ERC2: variants seen among roughly 807,000 people sequenced by gnomAD.
ERC2 encodes ELKS/RAB6-interacting/CAST family member 2, also known as ERC protein 2.
In ERC2, 42 loss-of-function variants were observed where a neutral mutation model predicts 114.8. The ratio of observed to expected loss-of-function variants is 0.37; its 90% CI spans 0.29 to 0.47. The LOEUF (loss-of-function observed/expected upper bound fraction) is 0.47. ERC2 is among the 20% of genes least tolerant of loss of function. The pLI is 0.99. For missense variants in ERC2, 939 were observed against 1,150.7 expected (o/e 0.82, Z 2.66); for synonymous variants, 454 against 425.5 (o/e 1.07, Z -0.82).
At chr3:55,613,982 CAAAAAAAAAAAAAA>C (rs60242810) in intron 17 of ERC2, among the ~76,000 whole-genome samples, 1 of 62,246 alleles carries the variant, frequency 1.6e-5, no homozygotes, top group African/African-American at 6.9e-5. Context: ...GACTTCCTCT[CAAAAAAAAAAAAAA>C]AAAAAAAAAA....
chr3:56,406,618 A>T (rs769464902), intron 2 of ERC2, among the ~76,000 whole-genome samples: 1 of 152,112 alleles, frequency 6.6e-6, no homozygotes, highest in Non-Finnish European at 1.5e-5. Context: ...CTGTATTTTC[A>T]TTTTACACTG....
chr3:56,258,442 G>T (rs2052670959), intron 3 of ERC2, among the ~76,000 whole-genome samples: 1 of 152,152 alleles, frequency 6.6e-6, no homozygotes, highest in South Asian at 2.1e-4. Context: ...CGGATCACGA[G>T]GTCAGGAGAT....
chr3:55,655,324 T>C (rs80013315), intron 17 of ERC2, among the ~76,000 whole-genome samples: 8,018 of 152,240 alleles, frequency 0.053, 329 homozygotes, highest in African/African-American at 0.12. Context: ...AAGAGTCTGC[T>C]TCCAGGAACC....
intron 16 of ERC2, among the ~76,000 whole-genome samples, chr3:55,693,148 C>T (rs2062750013): frequency 6.6e-6 from 1 of 152,190 alleles, no homozygotes; most frequent in African/African-American, 2.4e-5. Context: ...CAGACAGATT[C>T]TGGAAATTAC....
chr3:55,708,526 T>C (rs1371544229), intron 15 of ERC2, among the ~76,000 whole-genome samples: 3 of 152,204 alleles, frequency 2.0e-5, no homozygotes, highest in Non-Finnish European at 4.4e-5. Context: ...ACTGTAACAG[T>C]ATGCAGAGCA....
chr3:55,688,895 G>T (rs1278296453), intron 16 of ERC2, among the ~76,000 whole-genome samples: 1 of 152,134 alleles, frequency 6.6e-6, no homozygotes, highest in African/African-American at 2.4e-5. Context: ...CCTTACGATT[G>T]CCAAGATTGT....
intron 3 of ERC2, among the ~76,000 whole-genome samples, chr3:56,181,077 T>A (rs1434197756): frequency 6.6e-6 from 1 of 152,222 alleles, no homozygotes; most frequent in African/African-American, 2.4e-5. Flanking sequence ...CCAACAATAT[T>A]TATGTTTTCA....
intron 14 of ERC2, among the ~76,000 whole-genome samples, chr3:55,866,519 A>AG (rs1376835892): frequency 2.0e-5 from 3 of 152,086 alleles, no homozygotes; most frequent in Admixed American, 6.5e-5. Flanking sequence ...TTTTGGTGCC[A>AG]TATCTAAAGC....
intron 17 of ERC2, among the ~76,000 whole-genome samples, chr3:55,672,958 TAA>T (rs1443040126): frequency 6.6e-6 from 1 of 152,124 alleles, no homozygotes; most frequent in African/African-American, 2.4e-5. Flanking sequence ...TTAAAAATAA[TAA>T]CATGGAGAAA....
At chr3:55,987,916 A>G (rs2070757495) in intron 11 of ERC2, among the ~76,000 whole-genome samples, 1 of 152,164 alleles carries the variant, frequency 6.6e-6, no homozygotes, top group Non-Finnish European at 1.5e-5. Flanking sequence ...TATGTGATTG[A>G]GGGCTCAATT....
intron 2 of ERC2, among the ~76,000 whole-genome samples, chr3:56,311,425 A>C (rs1418020530): frequency 1.3e-5 from 2 of 150,728 alleles, no homozygotes; most frequent in Non-Finnish European, 1.5e-5. Context: ...CAGCCTCCCA[A>C]GTAGCTGGGA....
rs1338877106 is a variant in ERC2 at position 56,104,101 on chromosome 3, C to G, written c.1474-23117G>C. Among the ~76,000 whole-genome samples the G allele has an allele frequency of 5.9e-5, 9 of 152,220 alleles. No individual in the cohort carries two copies. In the East Asian group the frequency reaches 1.7e-3, roughly 29 times the overall value. On this transcript the variant is annotated intron_variant, in intron 6 of 17. Transcript: ENST00000288221. The stretch of plus-strand genomic sequence containing the variant: ...AATGAGTCAAAGTAAAGAACTGAGA[C>G]CATCTTTGTCGCTATGACTTAAATG...
At chr3:55,533,634 G>A (rs2107290341) in intron 17 of ERC2, among the ~76,000 whole-genome samples, 1 of 152,296 alleles carries the variant, frequency 6.6e-6, no homozygotes, top group Admixed American at 6.5e-5. Flanking sequence ...GTGGGTAGGA[G>A]ACCCAGAGGC....
chr3:56,218,714 C>T (rs1227696542), intron 3 of ERC2, among the ~76,000 whole-genome samples: 2 of 152,122 alleles, frequency 1.3e-5, no homozygotes, highest in South Asian at 2.1e-4. Flanking sequence ...GGCACTATTA[C>T]AATAGCAAAG....
chr3:55,516,600 G>A (rs1331478766), intron 17 of ERC2, among the ~76,000 whole-genome samples: 1 of 152,188 alleles, frequency 6.6e-6, no homozygotes, highest in Non-Finnish European at 1.5e-5. Context: ...TGCTGTTAGG[G>A]ATGACGGAGT....
At chr3:56,299,119 G>GTTTTTTT (rs1162614631) in intron 2 of ERC2, among the ~76,000 whole-genome samples, 7 of 108,130 alleles carry the variant, frequency 6.5e-5, no homozygotes, top group African/African-American at 1.6e-4. Context: ...TTTTTTTTTT[G>GTTTTTTT]TTTTTTTTTT....
At chr3:56,056,472 A>C (rs2076019690) in intron 7 of ERC2, among the ~76,000 whole-genome samples, 1 of 152,208 alleles carries the variant, frequency 6.6e-6, no homozygotes. Flanking sequence ...AGAAAGACAC[A>C]AATGAACAAC....
chr3:56,024,551 C>G (rs758204518), intron 7 of ERC2, among the ~76,000 whole-genome samples: 9 of 152,204 alleles, frequency 5.9e-5, no homozygotes, highest in Admixed American at 1.3e-4. Context: ...ATTCCAATGA[C>G]ACTGGGGCAG....
At chr3:56,007,982 G>C (rs1484809708) in intron 9 of ERC2, among the ~76,000 whole-genome samples, 1 of 151,962 alleles carries the variant, frequency 6.6e-6, no homozygotes, top group Non-Finnish European at 1.5e-5. Flanking sequence ...AAACCAACAG[G>C]CTCCACATAT....
Sources: gnomAD v4.1 joint callset for allele counts (sites outside exome capture counted in the v4.1 genomes callset) on GRCh38, gnomAD v4.1.1 for gene constraint, MANE v1.5 for transcripts, NCBI Gene and HGNC (gene_info 2026-07-23, HGNC 2026-07-21) for gene names.